ABCC6: variants seen among roughly 807,000 people sequenced by gnomAD.
The protein encoded by ABCC6 is ATP-binding cassette sub-family C member 6.
A neutral mutation model predicts 169.5 loss-of-function variants in ABCC6; 126 were observed. The observed-to-expected ratio is 0.74, with a 90% CI of 0.64 to 0.86. ABCC6 has a LOEUF of 0.86. Ranked by LOEUF, ABCC6 falls within the 40% of genes least tolerant of loss-of-function variation. The pLI is 0.00. For missense variants in ABCC6, 1,733 were observed against 1,927.2 expected (o/e 0.90, Z 1.89); for synonymous variants, 752 against 814.7 (o/e 0.92, Z 1.31).
chr16:16,184,231 C>T (rs1225836542), intron 15 of ABCC6: 2 of 148,420 alleles, frequency 1.3e-5, no homozygotes, highest in Non-Finnish European at 2.8e-5. Flanking sequence ...AAAAAAAGAA[C>T]AGCTCTTCTC....
In ABCC6 at chr16:16,172,448, AGGG is replaced by A. The variant is rs1440070876; in HGVS notation, c.2787+833_2787+835del. Among the ~76,000 whole-genome samples the A allele has an allele frequency of 6.8e-4, 53 of 77,814 alleles. 2 individuals are homozygous for A. Among genetic ancestry groups the A allele is most frequent in the African/African-American group, 3.0e-3 (50 of 16,404 alleles). 51.0% of individuals were successfully genotyped at this position (77,814 alleles called of 152,430 possible). On this transcript the variant is annotated intron_variant, in intron 21 of 30. Coordinates refer to ENST00000205557, the MANE Select transcript of ABCC6 (RefSeq NM_001171.6). The stretch of plus-strand genomic sequence containing the variant: ...AATGAGTGGGTGGGATGGATAAATG[AGGG>A]GGTGGGATGGATGGATAAATGAGTG...
intron 21 of ABCC6, among the ~76,000 whole-genome samples, chr16:16,172,047 AGTGGGATGGATAAATGAGTGG>A (rs1165692005): frequency 0.52 from 35,604 of 68,150 alleles, 6,162 homozygotes; most frequent in African/African-American, 0.56. Context: ...TGCATAAATG[AGTGGGATGGATAAATGAGTGG>A]GTGGGATGGA....
At chr16:16,180,981 A>G (rs1454409101) in intron 17 of ABCC6, among the ~76,000 whole-genome samples, 1 of 152,122 alleles carries the variant, frequency 6.6e-6, no homozygotes. Flanking sequence ...ACAGCACATC[A>G]GGTGGAAAGT....
intron 8 of ABCC6, among the ~76,000 whole-genome samples, chr16:16,202,842 C>G (rs998678162): frequency 5.9e-5 from 9 of 152,210 alleles, no homozygotes; most frequent in African/African-American, 2.2e-4. Context: ...GGGCTGGCTA[C>G]AAAACCGGCT....
chr16:16,213,654 G>A (rs1476565357), intron 5 of ABCC6, among the ~76,000 whole-genome samples: 15 of 148,470 alleles, frequency 1.0e-4, no homozygotes, highest in South Asian at 4.3e-4. Context: ...TCCACATCCC[G>A]GATTCAAGCA....
Position 16,213,607 on chromosome 16 carries a change from C to A in ABCC6, c.600+717G>T, listed in dbSNP as rs531621454. Among the ~76,000 whole-genome samples, 339 of 130,980 alleles carry A rather than the reference C, an allele frequency of 2.6e-3. 2 individuals are homozygous for A. Among genetic ancestry groups the A allele is most frequent in the African/African-American group, 8.3e-3 (284 of 34,156 alleles). 85.9% of individuals were successfully genotyped at this position (130,980 alleles called of 152,430 possible). ...TGGAGTTCCGCTCTTGTTGCCCAGG[C>A]TGGAGTGCAAATGCACAGTCTTGGC... is the stretch of plus-strand genomic sequence containing the variant. On this transcript the variant is annotated intron_variant, in intron 5 of 30. Transcript: ENST00000205557.
At chr16:16,150,904 G>A in intron 29 of ABCC6, 132 bp from the exon 30 acceptor site, 1 of 1,508,396 alleles carries the variant, frequency 6.6e-7, no homozygotes, top group Non-Finnish European at 8.9e-7. Context: ...CCACACATGG[G>A]GTCTGGGGTC....
intron 7 of ABCC6, among the ~76,000 whole-genome samples, chr16:16,205,131 C>T (rs148526047): frequency 7.0e-4 from 106 of 152,222 alleles, no homozygotes; most frequent in African/African-American, 2.2e-3. Context: ...CCACCATGCC[C>T]GGCCACTTAT....
At chr16:16,167,888 G>A (rs1280963477) in intron 22 of ABCC6, among the ~76,000 whole-genome samples, 1 of 152,196 alleles carries the variant, frequency 6.6e-6, no homozygotes. Flanking sequence ...ATGAGGGATG[G>A]AAGTGGAAGG....
chr16:16,159,123 T>TTGCATTA (rs2046634343), intron 26 of ABCC6, among the ~76,000 whole-genome samples: 1 of 152,252 alleles, frequency 6.6e-6, no homozygotes, highest in Non-Finnish European at 1.5e-5. Context: ...TACATTGCTG[T>TTGCATTA]TGCATTACTC....
chr16:16,171,821 TGGATGGATAAATGAGTGGGTG>T (rs2047082586), intron 21 of ABCC6, among the ~76,000 whole-genome samples: 1 of 142,778 alleles, frequency 7.0e-6, no homozygotes, highest in Non-Finnish European at 1.5e-5. Context: ...GTGGGTGGGA[TGGATGGATAAATGAGTGGGTG>T]GGATGGATAA....
At chr16:16,152,571 C>T (rs1194003231) in intron 29 of ABCC6, among the ~76,000 whole-genome samples, 1 of 152,080 alleles carries the variant, frequency 6.6e-6, no homozygotes. Flanking sequence ...ACTCTTTGCT[C>T]TATGCCTGCC....
chr16:16,204,976 C>T (rs4439787), intron 7 of ABCC6, among the ~76,000 whole-genome samples: 6 of 152,030 alleles, frequency 3.9e-5, no homozygotes, highest in East Asian at 1.9e-4. Flanking sequence ...GCTGGGATTA[C>T]AGGCACACAC....
intron 29 of ABCC6, among the ~76,000 whole-genome samples, chr16:16,153,929 AG>A (rs1025617663): frequency 1.3e-5 from 2 of 148,714 alleles, no homozygotes; most frequent in Non-Finnish European, 3.0e-5. Context: ...AAAAAAAAAA[AG>A]GTTGAGATAG....
At chr16:16,167,293 TATC>T (rs1391175121) in intron 22 of ABCC6, among the ~76,000 whole-genome samples, 1 of 152,262 alleles carries the variant, frequency 6.6e-6, no homozygotes, top group African/African-American at 2.4e-5. Context: ...AGCCGTGGAA[TATC>T]ATCTTACTGC....
intron 10 of ABCC6, among the ~76,000 whole-genome samples, chr16:16,197,595 GAGAGGA>G (rs952532409): frequency 1.3e-5 from 2 of 149,228 alleles, no homozygotes; most frequent in Non-Finnish European, 3.0e-5. Context: ...TGGAGCAGGA[GAGAGGA>G]AGAGGAGGAG....
Position 16,154,671 on chromosome 16 carries a change from C to T in ABCC6, c.4165G>A (p.Gly1389Ser), listed in dbSNP as rs775998775. 2.0e-5 allele frequency: 32 copies of T among 1,612,958 alleles called. No homozygotes were observed. Among genetic ancestry groups the T allele is most frequent in the East Asian group, 1.1e-4 (5 of 44,870 alleles). The change falls in exon 29 of 31, where the codon GGC becomes AGC. Residue 1389 changes from glycine to serine, a missense_variant. Coordinates refer to ENST00000205557, the MANE Select transcript of ABCC6 (RefSeq NM_001171.6). ...QLKALVASLP[G>S]QLQYKCADRG... Reference sequence around the variant, plus strand: ...TCAGCACACTTGTACTGCAGCTGGCCGGGCAGGCTGGCCACCAAGGCTTTG... The same window carrying T: ...TCAGCACACTTGTACTGCAGCTGGCTGGGCAGGCTGGCCACCAAGGCTTTG...
Position 16,157,721 on chromosome 16 carries a change from C to G in ABCC6, c.3824G>C (p.Arg1275Pro), listed in dbSNP as rs200010958. The change falls in exon 27 of 31, where the codon CGA (arginine) becomes CCA (proline). Residue 1275 changes from arginine to proline, a missense_variant. Arg to Pro is a moderately radical substitution (Grantham distance 103). Around this residue, in one of 5 missense-constraint regions of ABCC6, gnomAD observed 1,601 missense variants for 1,635.5 expected, o/e 0.98. Transcript: ENST00000205557. Reference protein sequence around the residue: ...IEFRDFGLRYRPELPLAVQGV... With the variant: ...IEFRDFGLRYPPELPLAVQGV... Reference sequence around the variant, plus strand: ...CTGCACAGCCAGCGGGAGCTCAGGTCGGTATCTTAGCCCAAAGTCCCGGAA... The same window carrying G: ...CTGCACAGCCAGCGGGAGCTCAGGTGGGTATCTTAGCCCAAAGTCCCGGAA... 2 of 1,613,876 alleles carry G rather than the reference C, an allele frequency of 1.2e-6. No homozygotes were observed. The highest frequency in any genetic ancestry group is 8.5e-7 in the Non-Finnish European group (1 of 1,179,970).
At chr16:16,220,143 G>A (rs1268838328) in intron 2 of ABCC6, 196 bp from the exon 3 acceptor site, 1 of 544,232 alleles carries the variant, frequency 1.8e-6, no homozygotes, top group Admixed American at 3.1e-5. Context: ...ACCTGTAACT[G>A]TCATATAAAT....
Sources: gnomAD v4.1 joint callset for allele counts (sites outside exome capture counted in the v4.1 genomes callset) on GRCh38, gnomAD v4.1.1 for gene constraint, gnomAD v4.1.1 regional missense constraint, MANE v1.5 for transcripts, NCBI Gene and HGNC (gene_info 2026-07-23, HGNC 2026-07-21) for gene names.